Variants in SLC39A1 observed in about 807,000 individuals in gnomAD.
SLC39A1 encodes the protein zinc transporter ZIP1.
In SLC39A1, 17 loss-of-function variants were observed where a neutral mutation model predicts 21.4. The ratio of observed to expected loss-of-function variants is 0.79; its 90% CI spans 0.54 to 1.19. The LOEUF is 1.19. SLC39A1 is among the 50% of genes most tolerant of loss of function. The probability of loss-of-function intolerance (pLI) is 0.00; values close to 1 mark genes in which losing one functional copy is unlikely to be tolerated. For missense variants in SLC39A1, 343 were observed against 399.8 expected (o/e 0.86, Z 1.21); for synonymous variants, 183 against 185.9 (o/e 0.98, Z 0.13).
intron 1 of SLC39A1, 44 bp downstream of exon 1, chr1:153,963,451 T>TGGGCAGCCGACATGGACCCCGCTGCC (rs1553211179): frequency 3.9e-5 from 6 of 152,270 alleles, no homozygotes; most frequent in Non-Finnish European, 7.3e-5. Context: ...CGGGGAGGCC[T>TGGGCAGCCGACATGGACCCCGCTGCC]GGGCAGCCGA....
At chr1:153,966,059 C>A (rs1195658805), upstream of SLC39A1, among the ~76,000 whole-genome samples, 1 of 152,076 alleles carries the variant, frequency 6.6e-6, no homozygotes, top group Admixed American at 6.5e-5. Flanking sequence ...CCACTCAAAT[C>A]ATCTCTGCAC....
chr1:153,959,350 C>G lies in SLC39A1; in HGVS notation c.*748G>C, dbSNP rs1680830279. ...TCCCCATATTCCTAGGGTACAGCAG[C>G]AGTAGATGGCTGCAACAACCTTCCT... On this transcript the variant is annotated 3_prime_UTR_variant, in exon 4 of 4. Coordinates refer to ENST00000356205, the MANE Select transcript of SLC39A1 (RefSeq NM_001271958.2). 1 of 398,644 alleles carries G rather than the reference C, an allele frequency of 2.5e-6. No homozygotes were observed. Among genetic ancestry groups the G allele is most frequent in the African/African-American group, 2.1e-5 (1 of 48,576 alleles). The allele number at this position is 398,644 out of a possible 1,614,324, so 24.7% of individuals were successfully genotyped here.
rs1680816716 is a variant in SLC39A1 at position 153,959,123 on chromosome 1, C to A, written c.*975G>T. 3 of 398,682 alleles carry A rather than the reference C, an allele frequency of 7.5e-6. No individual in the cohort carries two copies. The highest frequency in any genetic ancestry group is 8.8e-5 in the Admixed American group (2 of 22,724). 24.7% of individuals were successfully genotyped at this position (398,682 alleles called of 1,614,324 possible). A position where few individuals can be genotyped will look rare whatever the true frequency, so the allele number is the denominator to read the frequency against. On this transcript the variant is annotated 3_prime_UTR_variant, in exon 4 of 4. Transcript: ENST00000356205. ...ATACTGTACAGATGTCTAGAAACAT[C>A]TTTTATTTGGGTAACAGGTCCCAAA...
In SLC39A1 at chr1:153,959,203, C is replaced by T. The variant is rs7704; in HGVS notation, c.*895G>A. The T allele has an allele frequency of 2.5e-6, 1 of 398,876 alleles. No individual in the cohort carries two copies. Among genetic ancestry groups the T allele is most frequent in the South Asian group, 1.3e-4 (1 of 7,860 alleles). The allele number at this position is 398,876 out of a possible 1,614,324, so 24.7% of individuals were successfully genotyped here. A position where few individuals can be genotyped will look rare whatever the true frequency, so the allele number is the denominator to read the frequency against. ...GAATATGTCCCTATGCACAGCCCTC[C>T]CTCCCCAAAAATAACGCTGGGGGTA... On this transcript the variant is annotated 3_prime_UTR_variant, in exon 4 of 4. Transcript: ENST00000356205.
Position 153,962,560 on chromosome 1 carries a change from C to G in SLC39A1, c.156G>C (p.Leu52=), listed in dbSNP as rs777626697. Residue 52 remains leucine (L), a synonymous_variant, in exon 2 of 4, where the codon CTG becomes CTC. Transcript: ENST00000356205. ...LLCSLVPICV[L]RRPGANHEGS... ...CTTCATGGTTAGCTCCTGGCCGGCGCAGCACACAGATGGGCACCAGGCTGC... is the reference window on the plus strand; with the variant it reads ...CTTCATGGTTAGCTCCTGGCCGGCGGAGCACACAGATGGGCACCAGGCTGC... The G allele has an allele frequency of 6.2e-7, 1 of 1,613,544 alleles. No homozygotes were observed. Among genetic ancestry groups the G allele is most frequent in the Admixed American group, 1.7e-5 (1 of 59,966 alleles).
upstream of SLC39A1, among the ~76,000 whole-genome samples, chr1:153,966,275 T>C (rs1647778862): frequency 6.6e-6 from 1 of 152,204 alleles, no homozygotes; most frequent in Non-Finnish European, 1.5e-5. Flanking sequence ...GGTGGGTTGA[T>C]AGTGTGAAGA....
Position 153,960,413 on chromosome 1 carries a change from G to T in SLC39A1, c.660C>A (p.Ile220=), listed in dbSNP as rs1647318989. ...LCLALLLHKG[I]LAVSLSLRLL... ...GCCGCAGGGACAGGCTGACAGCCAG[G>T]ATGCCCTTGTGGAGCAGCAAAGCCA... Residue 220 remains isoleucine (I), a synonymous_variant, in exon 4 of 4, where the codon ATC becomes ATA. Transcript: ENST00000356205. 6.2e-7 allele frequency: 1 copy of T among 1,614,038 alleles called. No homozygotes were observed. Among genetic ancestry groups the T allele is most frequent in the South Asian group, 1.1e-5 (1 of 91,086 alleles).
Position 153,960,133 on chromosome 1 carries a change from C to T in SLC39A1, c.940G>A (p.Ala314Thr). The T allele has an allele frequency of 5.0e-6, 8 of 1,613,560 alleles. No individual in the cohort carries two copies. The highest frequency in any genetic ancestry group is 6.8e-6 in the Non-Finnish European group (8 of 1,179,746). Residue 314 changes from alanine (A) to threonine (T), a missense_variant, in exon 4 of 4, where the codon GCC (alanine) becomes ACC (threonine). Physicochemically the swap from Ala to Thr is moderately conservative, Grantham distance 58. Coordinates refer to ENST00000356205, the MANE Select transcript of SLC39A1 (RefSeq NM_001271958.2). Reference protein sequence around the residue: ...LKVILLLAGFALLTGLLFIQI With the variant: ...LKVILLLAGFTLLTGLLFIQI ...ATGAAGAGCAGGCCAGTGAGCAGGG[C>T]AAAGCCTGCTAGGAGCAGAATGACC...
chr1:153,960,265 G>C lies in SLC39A1; in HGVS notation c.808C>G (p.Leu270Val), dbSNP rs1647300110. ...LAESAGPLHQ[L>V]AQSVLEGMAA... Reference sequence around the variant, plus strand: ...ATGCCCTCTAGCACAGACTGGGCCAGCTGGTGCAGAGGTCCTGCCGACTCT... The same window carrying C: ...ATGCCCTCTAGCACAGACTGGGCCACCTGGTGCAGAGGTCCTGCCGACTCT... The change falls in exon 4 of 4, where the codon CTG becomes GTG. Residue 270 changes from leucine (L) to valine (V), a missense_variant. By Grantham distance (32) the Leu-to-Val change is conservative. Coordinates refer to ENST00000356205, the MANE Select transcript of SLC39A1 (RefSeq NM_001271958.2). 6.2e-7 allele frequency: 1 copy of C among 1,614,002 alleles called. No homozygotes were observed. The highest frequency in any genetic ancestry group is 8.5e-7 in the Non-Finnish European group (1 of 1,180,044).
chr1:153,962,393 C>T (rs1295194434), intron 2 of SLC39A1, 43 bp from the exon 3 acceptor site: 1 of 1,597,012 alleles, frequency 6.3e-7, no homozygotes, highest in Non-Finnish European at 8.5e-7. Flanking sequence ...CAAACAAACC[C>T]CCTCCAGGGC....
chr1:153,963,580 C>A (rs1019570226), upstream of SLC39A1: 2 of 153,106 alleles, frequency 1.3e-5, no homozygotes, highest in African/African-American at 4.8e-5. Flanking sequence ...CCCCCCTCCC[C>A]CACAGGAGCC....
Position 153,960,494 on chromosome 1 carries a change from G to A in SLC39A1, c.579C>T (p.Phe193=), listed in dbSNP as rs546090175. The A allele has an allele frequency of 2.9e-5, 47 of 1,613,212 alleles. No individual in the cohort carries two copies. The highest frequency in any genetic ancestry group is 3.6e-5 in the Non-Finnish European group (43 of 1,179,652). Residue 193 remains phenylalanine (F), a synonymous_variant, in exon 4 of 4, where the codon TTC becomes TTT. Coordinates refer to ENST00000356205, the MANE Select transcript of SLC39A1 (RefSeq NM_001271958.2). ...GCTGCAGCCCTACCGCCAGCCCCTC[G>A]AACACGGAGTGGAGGGCCAGGGAGA... ...LVFSLALHSV[F]EGLAVGLQRD...
upstream of SLC39A1, chr1:153,967,800 A>G (rs1420798455): frequency 1.3e-5 from 2 of 152,126 alleles, no homozygotes; most frequent in Admixed American, 1.3e-4. Context: ...CCCCTCCGAA[A>G]CCTAAGTCTT....
At chr1:153,962,829 T>A in intron 1 of SLC39A1, 82 bp from the exon 2 acceptor site, 1 of 1,143,278 alleles carries the variant, frequency 8.7e-7, no homozygotes, top group East Asian at 2.6e-5. Flanking sequence ...GTCAGCAGAG[T>A]GCAGCTCCCT....
upstream of SLC39A1, among the ~76,000 whole-genome samples, chr1:153,967,144 T>G (rs1647837981): frequency 6.6e-6 from 1 of 152,272 alleles, no homozygotes. Flanking sequence ...AAAGGCTTTT[T>G]AACTTGTTGC....
Position 153,960,082 on chromosome 1 carries a change from CCT to C in SLC39A1, c.*14_*15del, listed in dbSNP as rs780170736. On this transcript the variant is annotated 3_prime_UTR_variant, in exon 4 of 4. Transcript: ENST00000356205. ...CACCTGATCATCAATCTCCCCTGCC[CCT>C]CTCTTGAAGCCCCCTAGATTTGGAT... is the stretch of plus-strand genomic sequence containing the variant. 2.5e-6 allele frequency: 4 copies of C among 1,581,774 alleles called. No homozygotes were observed. The African/African-American group carries it at 5.4e-5, about 21-fold the overall frequency.
chr1:153,960,329 G>A lies in SLC39A1; in HGVS notation c.744C>T (p.Cys248=). ...VVAGCGILFS[C]MTPLGIGLGA... is the part of the protein sequence containing the mutation. ...CCAGCCCGATGCCTAGAGGTGTCAT[G>A]CATGAGAAGAGGATCCCACAGCCAG... Residue 248 remains cysteine (C), a synonymous_variant, in exon 4 of 4, where the codon TGC becomes TGT. Transcript: ENST00000356205. 6.2e-7 allele frequency: 1 copy of A among 1,614,064 alleles called. No individual in the cohort carries two copies. Among genetic ancestry groups the A allele is most frequent in the Non-Finnish European group, 8.5e-7 (1 of 1,180,052 alleles).
Position 153,960,046 on chromosome 1 carries a change from G to A in SLC39A1, c.*52C>T. 1 of 1,526,200 alleles carries A rather than the reference G, an allele frequency of 6.6e-7. No homozygotes were observed. The highest frequency in any genetic ancestry group is 8.8e-7 in the Non-Finnish European group (1 of 1,133,102). 94.5% of individuals were successfully genotyped at this position (1,526,200 alleles called of 1,614,324 possible). On this transcript the variant is annotated 3_prime_UTR_variant, in exon 4 of 4. Transcript: ENST00000356205. ...TTCCCCACAACTGGGGGAGGGAAGG[G>A]AGAACAGGGGCACCTGATCATCAAT...
rs371350917 is a variant in SLC39A1, at chr1:153,960,451, T to A, written c.622A>T (p.Met208Leu). 6.2e-7 allele frequency: 1 copy of A among 1,613,690 alleles called. No homozygotes were observed. The highest frequency in any genetic ancestry group is 1.3e-5 in the African/African-American group (1 of 74,936). ...AGCAGCAAAGCCAGGCACAGCTCCA[T>A]GGCCCGAGCCCGGTCTCGCTGCAGC... ...VGLQRDRARA[M>L]ELCLALLLHK... Residue 208 changes from methionine (M) to leucine (L), a missense_variant, in exon 4 of 4, where the codon ATG (methionine) becomes TTG (leucine). By Grantham distance (15) the Met-to-Leu change is conservative. Coordinates refer to ENST00000356205, the MANE Select transcript of SLC39A1 (RefSeq NM_001271958.2).
Sources: allele counts gnomAD v4.1 joint callset (sites outside exome capture counted in the v4.1 genomes callset), GRCh38; gene constraint gnomAD v4.1.1; transcripts MANE v1.5; gene names NCBI Gene and HGNC (gene_info 2026-07-23, HGNC 2026-07-21).